FAM209B: variants seen among roughly 807,000 people sequenced by gnomAD.
FAM209B encodes the protein protein FAM209B.
In FAM209B, 8 loss-of-function variants were observed where a neutral mutation model predicts 8.9. The observed-to-expected ratio is 0.90, with a 90% CI of 0.53 to 1.62. The LOEUF (loss-of-function observed/expected upper bound fraction) is 1.62, where lower values mean the gene tolerates loss of function less well. Among genes scored for constraint, FAM209B ranks in the 40% most tolerant of loss-of-function variants. FAM209B has a pLI of 0.00. For synonymous variants in FAM209B, 67 were observed against 75.0 expected (o/e 0.89, Z 0.55); for missense variants, 175 against 205.3 (o/e 0.85, Z 0.90).
At position 56,536,498 on chromosome 20, in the gene FAM209B, T is replaced by G; in HGVS notation, c.*60T>G. 6.7e-7 allele frequency: 1 copy of G among 1,487,256 alleles called. No homozygotes were observed. The allele number at this position is 1,487,256 out of a possible 1,614,324, so 92.1% of individuals were successfully genotyped here. A position where few individuals can be genotyped will look rare whatever the true frequency, so the allele number is the denominator to read the frequency against. Reference sequence around the variant, plus strand: ...TGTTGACAAACTGTATGCAAACTAATAAAACTATTCTGAAGAAAAGAACTT... The same window carrying G: ...TGTTGACAAACTGTATGCAAACTAAGAAAACTATTCTGAAGAAAAGAACTT... On this transcript the variant is annotated 3_prime_UTR_variant, in exon 2 of 2. Transcript: ENST00000371325.
chr20:56,536,065 G>C lies in FAM209B; in HGVS notation c.250-107G>C, dbSNP rs1010247866. The C allele has an allele frequency of 2.3e-5, 22 of 971,168 alleles. No individual in the cohort carries two copies. In the South Asian group the frequency reaches 3.8e-4, roughly 17 times the overall value. 60.2% of individuals were successfully genotyped at this position (971,168 alleles called of 1,614,324 possible). On this transcript the variant is annotated intron_variant, in intron 1 of 1. Transcript: ENST00000371325. ...CCATAGTCTGCCAGTGCCTGCACTC[G>C]AGCACTGCTAGAACCATCTTTTCTT...
intron 1 of FAM209B, among the ~76,000 whole-genome samples, chr20:56,535,349 T>C (rs969807017): frequency 2.6e-5 from 4 of 151,696 alleles, no homozygotes; most frequent in African/African-American, 9.7e-5. Flanking sequence ...CCCAGCAATT[T>C]GGGAAGCCGA....
chr20:56,533,630 A>G (rs756348067), intron 1 of FAM209B, 40 bp downstream of exon 1: 10 of 1,605,890 alleles, frequency 6.2e-6, no homozygotes, highest in Non-Finnish European at 8.5e-6. Context: ...TATTGATTCA[A>G]TCTCAGGAGT....
chr20:56,536,068 C>T, intron 1 of FAM209B, 104 bp from the exon 2 acceptor site: 4 of 998,536 alleles, frequency 4.0e-6, no homozygotes, highest in Middle Eastern at 3.1e-4. Context: ...TGCACTCGAG[C>T]ACTGCTAGAA....
At chr20:56,534,922 G>T (rs1985917997) in intron 1 of FAM209B, among the ~76,000 whole-genome samples, 1 of 151,776 alleles carries the variant, frequency 6.6e-6, no homozygotes, top group African/African-American at 2.4e-5. Flanking sequence ...AGTGGCGCAT[G>T]CCTGTAATCC....
Position 56,536,495 on chromosome 20 carries a change from T to A in FAM209B, c.*57T>A. On this transcript the variant is annotated 3_prime_UTR_variant, in exon 2 of 2. Coordinates refer to ENST00000371325, the MANE Select transcript of FAM209B (RefSeq NM_001013646.4). Reference sequence around the variant, plus strand: ...GAGTGTTGACAAACTGTATGCAAACTAATAAAACTATTCTGAAGAAAAGAA... The same window carrying A: ...GAGTGTTGACAAACTGTATGCAAACAAATAAAACTATTCTGAAGAAAAGAA... 1.3e-6 allele frequency: 2 copies of A among 1,488,584 alleles called. No homozygotes were observed. The highest frequency in any genetic ancestry group is 1.8e-6 in the Non-Finnish European group (2 of 1,117,690). The allele number at this position is 1,488,584 out of a possible 1,614,324, so 92.2% of individuals were successfully genotyped here.
rs376764644 is a variant in FAM209B at position 56,536,268 on chromosome 20, T to C, written c.346T>C (p.Leu116=). ...SLYKDCVFNT[L]NELEVELLKF... ...TTACAAAGACTGTGTATTCAATACC[T>C]TAAACGAACTTGAAGTGGAGCTTTT... is the stretch of plus-strand genomic sequence containing the variant. The change falls in exon 2 of 2, where the codon TTA becomes CTA. Residue 116 remains leucine, a synonymous_variant. Transcript: ENST00000371325. 6 of 1,613,288 alleles carry C rather than the reference T, an allele frequency of 3.7e-6. No individual in the cohort carries two copies. In the African/African-American group the frequency reaches 5.3e-5, roughly 14 times the overall value.
At chr20:56,535,958 C>G (rs917674280) in intron 1 of FAM209B, among the ~76,000 whole-genome samples, 1 of 152,134 alleles carries the variant, frequency 6.6e-6, no homozygotes, top group Non-Finnish European at 1.5e-5. Flanking sequence ...ATGAAGCAGC[C>G]TTAAACAATA....
At chr20:56,534,091 G>A (rs1423714281) in intron 1 of FAM209B, among the ~76,000 whole-genome samples, 1 of 152,084 alleles carries the variant, frequency 6.6e-6, no homozygotes, top group Non-Finnish European at 1.5e-5. Context: ...TGGAGGCAGA[G>A]GTTGTGGTGA....
Position 56,536,512 on chromosome 20 carries a change from A to C in FAM209B, c.*74A>C. The C allele has an allele frequency of 6.9e-7, 1 of 1,458,336 alleles. No homozygotes were observed. Among genetic ancestry groups the C allele is most frequent in the Non-Finnish European group, 9.1e-7 (1 of 1,101,458 alleles). The allele number at this position is 1,458,336 out of a possible 1,614,324, so 90.3% of individuals were successfully genotyped here. A position where few individuals can be genotyped will look rare whatever the true frequency, so the allele number is the denominator to read the frequency against. On this transcript the variant is annotated 3_prime_UTR_variant, in exon 2 of 2. Coordinates refer to ENST00000371325, the MANE Select transcript of FAM209B (RefSeq NM_001013646.4). ...ATGCAAACTAATAAAACTATTCTGA[A>C]GAAAAGAACTTCCATGTTTGAGAGC...
chr20:56,534,747 C>CAAAAAA lies in FAM209B; in HGVS notation c.249+1177_249+1182dup, dbSNP rs74181055. Among the ~76,000 whole-genome samples the CAAAAAA allele has an allele frequency of 2.5e-4, 8 of 32,388 alleles. 1 individual carries two copies. Among genetic ancestry groups the CAAAAAA allele is most frequent in the African/African-American group, 8.3e-4 (7 of 8,414 alleles). 21.2% of individuals were successfully genotyped at this position (32,388 alleles called of 152,430 possible). A position where few individuals can be genotyped will look rare whatever the true frequency, so the allele number is the denominator to read the frequency against. ...CAGGTGACAGAGTGAGACTCTGTCTCAAAAAAAAAAAAAAAAAAAAAAAAA... is the reference window on the plus strand; with the variant it reads ...CAGGTGACAGAGTGAGACTCTGTCTCAAAAAAAAAAAAAAAAAAAAAAAAAAAAAAA... On this transcript the variant is annotated intron_variant, in intron 1 of 1. Transcript: ENST00000371325.
intron 1 of FAM209B, among the ~76,000 whole-genome samples, chr20:56,535,788 G>T (rs192202356): frequency 1.3e-5 from 2 of 152,124 alleles, no homozygotes; most frequent in African/African-American, 4.8e-5. Context: ...GAAAGAAAGC[G>T]TATTCTCCCC....
chr20:56,535,358 G>A (rs113590550), intron 1 of FAM209B, among the ~76,000 whole-genome samples: 199 of 152,194 alleles, frequency 1.3e-3, no homozygotes, highest in African/African-American at 4.4e-3. Context: ...TTGGGAAGCC[G>A]AGGCGGGTGG....
In FAM209B at chr20:56,536,252, C is replaced by T; in HGVS notation, c.330C>T (p.Asp110=). ...ATCAAAATGCTTCTCTTTACAAAGA[C>T]TGTGTATTCAATACCTTAAACGAAC... The part of the protein sequence containing the change: ...KKNQNASLYK[D]CVFNTLNELE... Residue 110 remains aspartate (D), a synonymous_variant, in exon 2 of 2, where the codon GAC becomes GAT. Coordinates refer to ENST00000371325, the MANE Select transcript of FAM209B (RefSeq NM_001013646.4). 6.2e-7 allele frequency: 1 copy of T among 1,609,312 alleles called. No individual in the cohort carries two copies. The highest frequency in any genetic ancestry group is 8.5e-7 in the Non-Finnish European group (1 of 1,178,184).
chr20:56,535,956 G>A (rs1985957892), intron 1 of FAM209B, among the ~76,000 whole-genome samples: 1 of 152,134 alleles, frequency 6.6e-6, no homozygotes, highest in African/African-American at 2.4e-5. Flanking sequence ...ACATGAAGCA[G>A]CCTTAAACAA....
rs761564577 is a variant in FAM209B at position 56,533,591 on chromosome 20, G to T, written c.249+1G>T. 6.2e-7 allele frequency: 1 copy of T among 1,613,594 alleles called. No homozygotes were observed. Among genetic ancestry groups the T allele is most frequent in the Non-Finnish European group, 8.5e-7 (1 of 1,179,612 alleles). On this transcript the variant is annotated splice_donor_variant, in intron 1 of 1. Transcript: ENST00000371325. LOFTEE classifies it high-confidence loss of function. ...TCAAAGAGACAGTGAGAAGAATAAG[G>T]TAAGGATGGCTCCATTTTTTTTACA...
At chr20:56,533,822 A>G (rs1032437623) in intron 1 of FAM209B, among the ~76,000 whole-genome samples, 2 of 152,176 alleles carry the variant, frequency 1.3e-5, no homozygotes, top group Non-Finnish European at 2.9e-5. Flanking sequence ...TCTTGGCTCA[A>G]AGTTCTTCTG....
chr20:56,533,740 G>A (rs1447930145), intron 1 of FAM209B, 150 bp downstream of exon 1: 2 of 1,004,164 alleles, frequency 2.0e-6, no homozygotes, highest in African/African-American at 1.6e-5. Context: ...ACTTCCTGAT[G>A]TATCCTTAGT....
intron 1 of FAM209B, among the ~76,000 whole-genome samples, chr20:56,534,983 A>G (rs1985920157): frequency 6.7e-6 from 1 of 150,338 alleles, no homozygotes; most frequent in Non-Finnish European, 1.5e-5. Flanking sequence ...CGGGAGGTGG[A>G]GGTTGCAGTG....
Sources: gnomAD v4.1 joint callset for allele counts (sites outside exome capture counted in the v4.1 genomes callset) on GRCh38, gnomAD v4.1.1 for gene constraint, MANE v1.5 for transcripts, NCBI Gene and HGNC (gene_info 2026-07-23, HGNC 2026-07-21) for gene names.